Variants in PDZD2 observed in about 807,000 individuals in gnomAD.
PDZD2 encodes the protein PDZ domain containing 2, also known as PDZ domain-containing protein 2.
A neutral mutation model predicts 220.7 loss-of-function variants in PDZD2; 90 were observed. The observed-to-expected ratio is 0.41, with a 90% confidence interval of 0.34 to 0.49. The LOEUF is 0.49. Ranked by LOEUF, PDZD2 falls within the 20% of genes least tolerant of loss-of-function variation. The pLI is 0.28. For missense variants in PDZD2, 3,174 were observed against 3,608.5 expected (o/e 0.88, Z 3.08); for synonymous variants, 1,375 against 1,450.5 (o/e 0.95, Z 1.18).
At chr5:31,900,230 G>A (rs894028594) in intron 2 of PDZD2, among the ~76,000 whole-genome samples, 1 of 152,204 alleles carries the variant, frequency 6.6e-6, no homozygotes, top group Non-Finnish European at 1.5e-5. Flanking sequence ...GGTGTAGGTA[G>A]CGCTGTGTAC....
chr5:31,860,752 G>C (rs575052237), intron 2 of PDZD2, among the ~76,000 whole-genome samples: 1 of 152,174 alleles, frequency 6.6e-6, no homozygotes, highest in Non-Finnish European at 1.5e-5. Context: ...TCATTATGCT[G>C]CTGCTTCTGT....
chr5:31,674,482 A>G (rs553450621), intron 1 of PDZD2, among the ~76,000 whole-genome samples: 2 of 152,366 alleles, frequency 1.3e-5, no homozygotes, highest in Admixed American at 6.5e-5. Context: ...GTTTGGTTCC[A>G]AAAATAATTT....
intron 1 of PDZD2, among the ~76,000 whole-genome samples, chr5:31,710,030 A>C (rs902673951): frequency 1.3e-5 from 2 of 152,236 alleles, no homozygotes; most frequent in African/African-American, 4.8e-5. Context: ...GAGTGTGCAC[A>C]GGGGAGCGGC....
chr5:32,089,108 G>A lies in PDZD2; in HGVS notation c.5660G>A (p.Arg1887Lys). The change falls in exon 20 of 25, where the codon AGG (arginine) becomes AAG (lysine). Residue 1887 changes from arginine (R) to lysine (K), a missense_variant. Physicochemically the swap from Arg to Lys is conservative, Grantham distance 26 (BLOSUM62 2). Around this residue, in one of 4 missense-constraint regions of PDZD2, gnomAD observed 1,861 missense variants for 2,001.0 expected, o/e 0.93. Transcript: ENST00000438447. ...GCAAAGTGTGGTCCGAAGCTGAAGAGGCTCAGCCTCAAGGGCAAGGCCAAA... is the reference window on the plus strand; with the variant it reads ...GCAAAGTGTGGTCCGAAGCTGAAGAAGCTCAGCCTCAAGGGCAAGGCCAAA... ...QKAKCGPKLK[R>K]LSLKGKAKVN... The A allele has an allele frequency of 6.2e-7, 1 of 1,614,114 alleles. No homozygotes were observed. Among genetic ancestry groups the A allele is most frequent in the Non-Finnish European group, 8.5e-7 (1 of 1,180,012 alleles).
intron 1 of PDZD2, chr5:31,754,452 A>G (rs991560501): frequency 2.6e-5 from 4 of 152,150 alleles, no homozygotes; most frequent in African/African-American, 9.7e-5. Context: ...CCCACGGCTC[A>G]TTAGGGATTC....
At position 32,089,625 on chromosome 5, in the gene PDZD2, C is replaced by T. The variant is rs757264963; in HGVS notation, c.6177C>T (p.Ser2059=). ...GACAGAGTGAGCCGCGCCTGGCCAG[C>T]CATGTGGCAGCAGACACAGCCCAAC... is the stretch of plus-strand genomic sequence containing the variant. The part of the protein sequence containing the change: ...GNRQSEPRLA[S]HVAADTAQPR... Residue 2059 remains serine, a synonymous_variant, in exon 20 of 25, where the codon AGC becomes AGT. Coordinates refer to ENST00000438447, the MANE Select transcript of PDZD2 (RefSeq NM_178140.4). 9.9e-6 allele frequency: 16 copies of T among 1,613,412 alleles called. No individual in the cohort carries two copies. The highest frequency in any genetic ancestry group is 1.4e-5 in the Non-Finnish European group (16 of 1,179,942).
Position 32,002,765 on chromosome 5 carries a change from C to CCA in PDZD2, c.1254+2502_1254+2503dup, listed in dbSNP as rs148485162. On this transcript the variant is annotated intron_variant, in intron 5 of 24. Coordinates refer to ENST00000438447, the MANE Select transcript of PDZD2 (RefSeq NM_178140.4). ...CACACCAACACACACACCCCACACA[C>CCA]CACACACACCAACACACAACCACAC... Among the ~76,000 whole-genome samples, 832 of 107,120 alleles carry CCA rather than the reference C, an allele frequency of 7.8e-3. 77 individuals are homozygous for CCA. Among genetic ancestry groups the CCA allele is most frequent in the African/African-American group, 0.031 (752 of 24,506 alleles). 70.3% of individuals were successfully genotyped at this position (107,120 alleles called of 152,430 possible).
At chr5:31,842,913 CT>C (rs1330057951) in intron 2 of PDZD2, among the ~76,000 whole-genome samples, 2 of 151,590 alleles carry the variant, frequency 1.3e-5, no homozygotes, top group Admixed American at 1.3e-4. Flanking sequence ...TGGAGTTTTG[CT>C]TTTGTTGCCC....
At chr5:31,918,413 AGT>A (rs1743871878) in intron 2 of PDZD2, among the ~76,000 whole-genome samples, 1 of 152,208 alleles carries the variant, frequency 6.6e-6, no homozygotes, top group African/African-American at 2.4e-5. Flanking sequence ...GGGATTGAAA[AGT>A]GAAGATAGAG....
chr5:31,644,012 T>G (rs1053646551), intron 1 of PDZD2, among the ~76,000 whole-genome samples: 7 of 152,010 alleles, frequency 4.6e-5, no homozygotes, highest in African/African-American at 1.5e-4. Context: ...TAAAAATTTT[T>G]TGTAGAGATG....
At chr5:31,734,836 G>T (rs150919700) in intron 1 of PDZD2, among the ~76,000 whole-genome samples, 21 of 152,250 alleles carry the variant, frequency 1.4e-4, no homozygotes, top group African/African-American at 5.1e-4. Context: ...ATTAGCATAA[G>T]AAAAAACATT....
chr5:31,858,180 C>T (rs1260187930), intron 2 of PDZD2, among the ~76,000 whole-genome samples: 1 of 152,088 alleles, frequency 6.6e-6, no homozygotes, highest in East Asian at 1.9e-4. Context: ...CCAGGCTGGT[C>T]TCGAACTCCT....
At chr5:31,890,144 T>TTTTTC (rs1740888592) in intron 2 of PDZD2, among the ~76,000 whole-genome samples, 1 of 147,108 alleles carries the variant, frequency 6.8e-6, no homozygotes, top group African/African-American at 2.5e-5. Flanking sequence ...GATTTTTTTT[T>TTTTTC]TTTTTTTTTT....
Position 31,829,733 on chromosome 5 carries a change from A to C in PDZD2, c.476+30009A>C, listed in dbSNP as rs530938003. Among the ~76,000 whole-genome samples the C allele has an allele frequency of 6.0e-4, 92 of 152,216 alleles. 1 individual carries two copies. Among genetic ancestry groups the C allele is most frequent in the Non-Finnish European group, 1.1e-3 (76 of 67,990 alleles). ...TTACTAACCCCCCTTTACCAAAGTAAAGTGGTATCCAATAGCTGTAAGAAC... is the reference window on the plus strand; with the variant it reads ...TTACTAACCCCCCTTTACCAAAGTACAGTGGTATCCAATAGCTGTAAGAAC... On this transcript the variant is annotated intron_variant, in intron 2 of 24. Transcript: ENST00000438447.
At chr5:31,785,213 C>T (rs530138618) in intron 1 of PDZD2, among the ~76,000 whole-genome samples, 2 of 152,080 alleles carry the variant, frequency 1.3e-5, no homozygotes, top group South Asian at 4.2e-4. Flanking sequence ...TATGTTTACA[C>T]ATGAGAAATA....
Position 31,815,888 on chromosome 5 carries a change from C to T in PDZD2, c.476+16164C>T, listed in dbSNP as rs1755418830. ...GAGCATGAAATTTATTCAGCCATTT[C>T]ATCCTCTTGGCCTATTTCAGGGAAT... On this transcript the variant is annotated intron_variant, in intron 2 of 24. Coordinates refer to ENST00000438447, the MANE Select transcript of PDZD2 (RefSeq NM_178140.4). 1.3e-5 allele frequency among the ~76,000 whole-genome samples: 2 copies of T among 152,254 alleles called. 1 individual carries two copies. Among genetic ancestry groups the T allele is most frequent in the South Asian group, 4.1e-4 (2 of 4,828 alleles).
chr5:31,826,032 T>G (rs892797054), intron 2 of PDZD2, among the ~76,000 whole-genome samples: 1 of 151,950 alleles, frequency 6.6e-6, no homozygotes, highest in African/African-American at 2.4e-5. Flanking sequence ...AATGTACTCC[T>G]TTTTAATTAG....
chr5:32,016,327 A>AT (rs35675303), intron 6 of PDZD2, among the ~76,000 whole-genome samples: 1 of 152,152 alleles, frequency 6.6e-6, no homozygotes, highest in African/African-American at 2.4e-5. Context: ...TGAATGTATC[A>AT]TTTTTGGTTG....
chr5:31,946,044 C>T (rs2111567565), intron 2 of PDZD2, among the ~76,000 whole-genome samples: 1 of 152,242 alleles, frequency 6.6e-6, no homozygotes, highest in East Asian at 1.9e-4. Context: ...CCTCTGTCAC[C>T]CAGGCTGGAG....
Sources: gnomAD v4.1 joint callset for allele counts (sites outside exome capture counted in the v4.1 genomes callset) on GRCh38, gnomAD v4.1.1 for gene constraint, gnomAD v4.1.1 regional missense constraint, MANE v1.5 for transcripts, NCBI Gene and HGNC (gene_info 2026-07-23, HGNC 2026-07-21) for gene names.